MTUS2: variants seen among roughly 807,000 people sequenced by gnomAD.
The protein encoded by MTUS2 is microtubule-associated tumor suppressor candidate 2.
MTUS2 carries 40 observed loss-of-function variants against 114.1 expected under a neutral mutation model. The ratio of observed to expected loss-of-function variants is 0.35; its 90% CI spans 0.27 to 0.46. The LOEUF (loss-of-function observed/expected upper bound fraction) is 0.46, where lower values mean the gene tolerates loss of function less well. MTUS2 is among the 20% of genes least tolerant of loss of function. The pLI is 1.00. For synonymous variants in MTUS2, 688 were observed against 672.0 expected, an observed-to-expected ratio of 1.02 and a Z score of -0.37; for missense variants, 1,679 against 1,705.4, an observed-to-expected ratio of 0.98 and a Z score of 0.27.
chr13:28,842,483 A>G (rs954527071), intron 2 of MTUS2, among the ~76,000 whole-genome samples: 4 of 152,238 alleles, frequency 2.6e-5, no homozygotes, highest in African/African-American at 9.6e-5. Context: ...TAGAAAACAC[A>G]GACGGAATAT....
intron 8 of MTUS2, among the ~76,000 whole-genome samples, chr13:29,373,051 C>T (rs1201835473): frequency 6.6e-6 from 1 of 152,172 alleles, no homozygotes; most frequent in Non-Finnish European, 1.5e-5. Flanking sequence ...GACTTGAAGT[C>T]AGTTCAGCTT....
At chr13:28,950,696 T>C (rs564706921) in intron 2 of MTUS2, among the ~76,000 whole-genome samples, 1 of 152,302 alleles carries the variant, frequency 6.6e-6, no homozygotes, top group South Asian at 2.1e-4. Context: ...TTTGCCATCT[T>C]ATATGGGCAT....
intron 6 of MTUS2, among the ~76,000 whole-genome samples, chr13:29,321,854 A>G (rs1374191793): frequency 6.6e-6 from 1 of 152,202 alleles, no homozygotes; most frequent in Non-Finnish European, 1.5e-5. Flanking sequence ...TACATATGAC[A>G]TTTTGTGTTA....
intron 2 of MTUS2, among the ~76,000 whole-genome samples, chr13:29,010,832 A>G (rs1319359442): frequency 6.6e-6 from 1 of 152,132 alleles, no homozygotes; most frequent in Non-Finnish European, 1.5e-5. Flanking sequence ...GGTCAGGAGA[A>G]GGGGAGTCAG....
chr13:29,155,304 T>A (rs1258768788), intron 5 of MTUS2, among the ~76,000 whole-genome samples: 1 of 152,188 alleles, frequency 6.6e-6, no homozygotes, highest in Non-Finnish European at 1.5e-5. Context: ...TTTCAGAGGA[T>A]CAGAATTTCA....
intron 10 of MTUS2, among the ~76,000 whole-genome samples, chr13:29,486,852 C>T (rs1881646183): frequency 6.6e-6 from 1 of 152,056 alleles, no homozygotes; most frequent in Non-Finnish European, 1.5e-5. Flanking sequence ...GGATAAACAC[C>T]GTTGTAGTGC....
Position 29,334,952 on chromosome 13 carries a change from A to G in MTUS2, c.2905+10241A>G, listed in dbSNP as rs113227045. ...TATGTTGCCTCAGGACCCTGTGATG[A>G]TGGCGTTAACTGCACAAACTGTAGA... On this transcript the variant is annotated intron_variant, in intron 7 of 15. Coordinates refer to ENST00000612955, the MANE Select transcript of MTUS2 (RefSeq NM_001033602.4). Among the ~76,000 whole-genome samples, 306 of 152,136 alleles carry G rather than the reference A, an allele frequency of 2.0e-3. 1 individual carries two copies. The highest frequency in any genetic ancestry group is 7.2e-3 in the African/African-American group (299 of 41,408).
At chr13:29,252,841 C>G (rs1452742223) in intron 5 of MTUS2, among the ~76,000 whole-genome samples, 3 of 152,088 alleles carry the variant, frequency 2.0e-5, no homozygotes, top group East Asian at 1.9e-4. Context: ...CATGTAAGAC[C>G]TGCCTTTCGC....
intron 9 of MTUS2, among the ~76,000 whole-genome samples, chr13:29,448,261 G>A (rs1258169559): frequency 1.3e-5 from 2 of 152,144 alleles, no homozygotes; most frequent in Admixed American, 6.5e-5. Context: ...CTGCTGCCCT[G>A]CCAGCCAGAC....
At chr13:29,377,621 A>G (rs760119070) in intron 8 of MTUS2, among the ~76,000 whole-genome samples, 23 of 152,338 alleles carry the variant, frequency 1.5e-4, no homozygotes, top group Non-Finnish European at 2.5e-4. Flanking sequence ...ATATGGCTAA[A>G]GTAGTGCCTA....
intron 8 of MTUS2, among the ~76,000 whole-genome samples, chr13:29,403,696 C>T (rs941292728): frequency 1.3e-5 from 2 of 152,192 alleles, no homozygotes; most frequent in Non-Finnish European, 2.9e-5. Flanking sequence ...ATTGAAACGT[C>T]GGTTCTTGCT....
intron 2 of MTUS2, among the ~76,000 whole-genome samples, chr13:28,972,639 C>T (rs1738397370): frequency 6.6e-6 from 1 of 152,124 alleles, no homozygotes; most frequent in South Asian, 2.1e-4. Flanking sequence ...TGTCGCAGCC[C>T]CGAGTTCTGA....
chr13:28,938,548 T>TAG (rs1211391698), intron 2 of MTUS2, among the ~76,000 whole-genome samples: 5 of 113,948 alleles, frequency 4.4e-5, no homozygotes, highest in South Asian at 3.3e-4. Flanking sequence ...TTTTAGGGGT[T>TAG]ATAGTCTGGA....
At chr13:29,005,603 G>A (rs1885568712) in intron 2 of MTUS2, among the ~76,000 whole-genome samples, 1 of 152,214 alleles carries the variant, frequency 6.6e-6, no homozygotes, top group African/African-American at 2.4e-5. Flanking sequence ...AGTGCTGTAA[G>A]CGAGGCACAG....
chr13:29,360,773 T>C (rs1343541399), intron 8 of MTUS2, among the ~76,000 whole-genome samples: 2 of 145,572 alleles, frequency 1.4e-5, no homozygotes, highest in Admixed American at 7.1e-5. Flanking sequence ...AAGATGAGCA[T>C]TTTTGTAATT....
At chr13:29,444,680 A>G (rs1878146484) in intron 9 of MTUS2, among the ~76,000 whole-genome samples, 1 of 152,166 alleles carries the variant, frequency 6.6e-6, no homozygotes, top group African/African-American at 2.4e-5. Context: ...TGAGGCAGGG[A>G]GTATATCATT....
chr13:29,025,530 G>T lies in MTUS2; in HGVS notation c.832G>T (p.Ala278Ser). Reference sequence around the variant, plus strand: ...GTGCAGTGAGCACACATCACATTCCGCCCATCCAGAGCCTGCTCTGAATTT... The same window carrying T: ...GTGCAGTGAGCACACATCACATTCCTCCCATCCAGAGCCTGCTCTGAATTT... The part of the protein sequence containing the change: ...QVCSEHTSHS[A>S]HPEPALNLTL... The change falls in exon 3 of 16, where the codon GCC becomes TCC. Residue 278 changes from alanine (A) to serine (S), a missense_variant. Transcript: ENST00000612955. 1 of 1,613,632 alleles carries T rather than the reference G, an allele frequency of 6.2e-7. No individual in the cohort carries two copies. Among genetic ancestry groups the T allele is most frequent in the Non-Finnish European group, 8.5e-7 (1 of 1,179,754 alleles).
At chr13:29,400,214 A>G (rs1348689082) in intron 8 of MTUS2, among the ~76,000 whole-genome samples, 1 of 152,198 alleles carries the variant, frequency 6.6e-6, no homozygotes, top group East Asian at 1.9e-4. Context: ...AAAATGAGGA[A>G]AATAATCTCA....
At chr13:29,310,718 T>G (rs2139640740) in intron 6 of MTUS2, among the ~76,000 whole-genome samples, 1 of 152,318 alleles carries the variant, frequency 6.6e-6, no homozygotes, top group Non-Finnish European at 1.5e-5. Context: ...AATGGTGACA[T>G]TTTAAAAATC....
Sources: allele counts gnomAD v4.1 joint callset (sites outside exome capture counted in the v4.1 genomes callset), GRCh38; gene constraint gnomAD v4.1.1; transcripts MANE v1.5; gene names NCBI Gene and HGNC (gene_info 2026-07-23, HGNC 2026-07-21).